The following TMEM150C variants were observed in gnomAD, a reference collection of about 807,000 sequenced individuals.
The protein encoded by TMEM150C is transmembrane protein 150C, also known as tentonin 3.
Under a neutral mutation model 29.9 loss-of-function variants are expected in TMEM150C, and 10 were observed. The ratio of observed to expected loss-of-function variants is 0.33; its 90% CI spans 0.21 to 0.57. TMEM150C has a LOEUF of 0.57. Among genes scored for constraint, TMEM150C ranks in the 20% least tolerant of loss-of-function variants. The probability of loss-of-function intolerance (pLI) is 0.88; values close to 1 mark genes in which losing one functional copy is unlikely to be tolerated. For synonymous variants in TMEM150C, 101 were observed against 112.5 expected (o/e 0.90, Z 0.64); for missense variants, 251 against 303.6 (o/e 0.83, Z 1.29).
At chr4:82,535,928 AC>A (rs527500383) in intron 1 of TMEM150C, among the ~76,000 whole-genome samples, 1 of 151,694 alleles carries the variant, frequency 6.6e-6, no homozygotes, top group Non-Finnish European at 1.5e-5. Context: ...TGTATGTAGC[AC>A]CCCCCTCCCT....
chr4:82,486,848 G>T (rs941957686), intron 7 of TMEM150C, among the ~76,000 whole-genome samples: 47 of 152,118 alleles, frequency 3.1e-4, no homozygotes, highest in African/African-American at 1.1e-3. Context: ...ATACACAACA[G>T]AATAAATGGA....
intron 1 of TMEM150C, among the ~76,000 whole-genome samples, chr4:82,553,891 G>T (rs1386811368): frequency 1.3e-5 from 2 of 152,062 alleles, no homozygotes; most frequent in Non-Finnish European, 2.9e-5. Context: ...TCAAAATTTT[G>T]TTATAAAATG....
At chr4:82,505,068 A>C (rs954141620) in intron 1 of TMEM150C, among the ~76,000 whole-genome samples, 18 of 152,202 alleles carry the variant, frequency 1.2e-4, no homozygotes, top group African/African-American at 4.3e-4. Context: ...CTGAAAAAAA[A>C]AGTGTATTTT....
At chr4:82,497,565 A>G (rs992533260) in intron 5 of TMEM150C, among the ~76,000 whole-genome samples, 1 of 152,212 alleles carries the variant, frequency 6.6e-6, no homozygotes, top group Non-Finnish European at 1.5e-5. Context: ...AACTTGATTA[A>G]TATTTGGATT....
Position 82,561,191 on chromosome 4 carries a change from ACT to A in TMEM150C, c.-11+713_-11+714del, listed in dbSNP as rs375477081. On this transcript the variant is annotated intron_variant, in intron 1 of 7. Transcript: ENST00000449862. The stretch of plus-strand genomic sequence containing the variant: ...TTAAGGAGGGGAAAACCACTCAAGG[ACT>A]CTCTCCAGAACCCAAAGCTAATCAC... Among the ~76,000 whole-genome samples, 396 of 152,218 alleles carry A rather than the reference ACT, an allele frequency of 2.6e-3. 1 individual carries two copies. The highest frequency in any genetic ancestry group is 9.1e-3 in the African/African-American group (378 of 41,518).
At chr4:82,550,166 A>C (rs1359604752) in intron 1 of TMEM150C, among the ~76,000 whole-genome samples, 1 of 152,124 alleles carries the variant, frequency 6.6e-6, no homozygotes, top group African/African-American at 2.4e-5. Flanking sequence ...TGCTGTTCTC[A>C]TGGTAGTGAG....
At position 82,491,266 on chromosome 4, in the gene TMEM150C, T is replaced by C; in HGVS notation, c.364-1028A>G. On this transcript the variant is annotated intron_variant, in intron 6 of 7. Coordinates refer to ENST00000449862, the MANE Select transcript of TMEM150C (RefSeq NM_001080506.3). ...ACGTCCTCTTTGCAGGCAGCTTTCT[T>C]CTCAGCCTGGGCCAACAGCTTCTGC... The C allele has an allele frequency of 4.4e-6, 3 of 680,810 alleles. No homozygotes were observed. The South Asian group carries it at 4.8e-5, about 11-fold the overall frequency. The allele number at this position is 680,810 out of a possible 1,614,324, so 42.2% of individuals were successfully genotyped here.
chr4:82,496,126 C>T lies in TMEM150C; in HGVS notation c.305G>A (p.Ser102Asn). The T allele has an allele frequency of 6.2e-7, 1 of 1,613,952 alleles. No individual in the cohort carries two copies. The highest frequency in any genetic ancestry group is 8.5e-7 in the Non-Finnish European group (1 of 1,179,872). The stretch of plus-strand genomic sequence containing the variant: ...AGCCAGACACAGAGCCACCAATCCA[C>T]TAATATTCAGCCACGGGTTTAAAAC... ...PKVLNPWLNI[S>N]GLVALCLASF... The change falls in exon 6 of 8, where the codon AGT becomes AAT. Residue 102 changes from serine (S) to asparagine (N), a missense_variant. By Grantham distance (46) the Ser-to-Asn change is conservative. Coordinates refer to ENST00000449862, the MANE Select transcript of TMEM150C (RefSeq NM_001080506.3).
intron 1 of TMEM150C, among the ~76,000 whole-genome samples, chr4:82,513,820 G>A (rs1724208543): frequency 6.6e-6 from 1 of 152,218 alleles, no homozygotes; most frequent in Non-Finnish European, 1.5e-5. Flanking sequence ...TACATTGAGA[G>A]AGGAAAACAT....
chr4:82,496,589 G>C (rs1723565087), intron 5 of TMEM150C, among the ~76,000 whole-genome samples: 1 of 152,198 alleles, frequency 6.6e-6, no homozygotes, highest in African/African-American at 2.4e-5. Context: ...TGGCTTAGGA[G>C]AGCACTGCAG....
At chr4:82,558,975 C>A (rs914471127) in intron 1 of TMEM150C, among the ~76,000 whole-genome samples, 4 of 152,042 alleles carry the variant, frequency 2.6e-5, no homozygotes, top group African/African-American at 9.7e-5. Context: ...TTTGTAATCT[C>A]CCCCACCCTT....
chr4:82,530,959 G>C (rs1724827027), intron 1 of TMEM150C, among the ~76,000 whole-genome samples: 1 of 152,046 alleles, frequency 6.6e-6, no homozygotes. Context: ...ACAGCACTAG[G>C]GAGATGGTGC....
At chr4:82,510,844 G>C (rs997605084) in intron 1 of TMEM150C, among the ~76,000 whole-genome samples, 3 of 152,172 alleles carry the variant, frequency 2.0e-5, no homozygotes, top group African/African-American at 7.2e-5. Context: ...CATGAACCAA[G>C]AGCATCCTTG....
intron 1 of TMEM150C, among the ~76,000 whole-genome samples, chr4:82,558,233 A>T (rs1725805128): frequency 6.6e-6 from 1 of 152,184 alleles, no homozygotes; most frequent in South Asian, 2.1e-4. Context: ...TAAATTAATT[A>T]CGGCTAAATA....
chr4:82,508,470 CTT>C (rs879639680), intron 1 of TMEM150C, among the ~76,000 whole-genome samples: 11 of 142,422 alleles, frequency 7.7e-5, no homozygotes, highest in Non-Finnish European at 6.2e-5. Context: ...CTGAATTGTG[CTT>C]TTTTTTTTTT....
intron 1 of TMEM150C, among the ~76,000 whole-genome samples, chr4:82,552,601 C>T (rs1725615581): frequency 6.6e-6 from 1 of 152,120 alleles, no homozygotes; most frequent in Non-Finnish European, 1.5e-5. Context: ...TGTGATGTTG[C>T]CTAGCCAGTA....
chr4:82,539,492 G>A (rs963226616), intron 1 of TMEM150C, among the ~76,000 whole-genome samples: 2 of 148,380 alleles, frequency 1.3e-5, no homozygotes, highest in South Asian at 2.1e-4. Flanking sequence ...TCGCTCTGTC[G>A]CCCAGGCTGG....
chr4:82,521,713 T>C (rs1724491096), intron 1 of TMEM150C, among the ~76,000 whole-genome samples: 1 of 152,162 alleles, frequency 6.6e-6, no homozygotes, highest in South Asian at 2.1e-4. Flanking sequence ...GACTCGGTGA[T>C]GCAGAGGGGA....
At chr4:82,531,593 A>G (rs1212926732) in intron 1 of TMEM150C, among the ~76,000 whole-genome samples, 1 of 152,022 alleles carries the variant, frequency 6.6e-6, no homozygotes, top group African/African-American at 2.4e-5. Flanking sequence ...CATCTATATT[A>G]AAATACAAAA....
Sources: allele counts gnomAD v4.1 joint callset (sites outside exome capture counted in the v4.1 genomes callset), GRCh38; gene constraint gnomAD v4.1.1; transcripts MANE v1.5; gene names NCBI Gene and HGNC (gene_info 2026-07-23, HGNC 2026-07-21).